QSOX1: variants seen among roughly 807,000 people sequenced by gnomAD.
QSOX1 encodes the protein sulfhydryl oxidase 1.
A neutral mutation model predicts 76.1 loss-of-function variants in QSOX1; 40 were observed. The ratio of observed to expected loss-of-function variants is 0.53; its 90% CI spans 0.41 to 0.68. The LOEUF is 0.68. Among genes scored for constraint, QSOX1 ranks in the 30% least tolerant of loss-of-function variants. The pLI is 0.00. For synonymous variants in QSOX1, 392 were observed against 413.1 expected (o/e 0.95, Z 0.62); for missense variants, 931 against 974.3 (o/e 0.96, Z 0.59).
intron 3 of QSOX1, 70 bp downstream of exon 3, chr1:180,175,436 A>T: frequency 6.5e-7 from 1 of 1,532,026 alleles, no homozygotes; most frequent in Non-Finnish European, 9.0e-7. Context: ...CTGGGTTTCT[A>T]TTGGGGTGGA....
rs1663480751 is a variant in QSOX1 at position 180,196,183 on chromosome 1, G to A, written c.1469-79G>A. On this transcript the variant is annotated intron_variant, in intron 11 of 11. Coordinates refer to ENST00000367602, the MANE Select transcript of QSOX1 (RefSeq NM_002826.5). This position sits in a 1 kb window ranked among gnomAD's most constrained non-coding sequence, Gnocchi z 4.1. ...CCTTTCTGCAGACAAGGAAGCTGGC[G>A]TTCTGAGTGGAGGAGTGTGGTCTGG... 8.6e-6 allele frequency: 13 copies of A among 1,502,904 alleles called. No individual in the cohort carries two copies. The East Asian group carries it at 9.1e-5, about 11-fold the overall frequency. 93.1% of individuals were successfully genotyped at this position (1,502,904 alleles called of 1,614,324 possible).
chr1:180,166,303 C>T lies in QSOX1; in HGVS notation c.266-188C>T, dbSNP rs148551274. 7.6e-4 allele frequency among the ~76,000 whole-genome samples: 116 copies of T among 152,340 alleles called. 1 individual carries two copies. Among genetic ancestry groups the T allele is most frequent in the Admixed American group, 4.3e-3 (66 of 15,304 alleles). On this transcript the variant is annotated intron_variant, in intron 1 of 11. Coordinates refer to ENST00000367602, the MANE Select transcript of QSOX1 (RefSeq NM_002826.5). ...AAAACACAGGTTCCCTTTTGTGAGA[C>T]GCTAGAAATGCAGACCAACTGGAAT...
chr1:180,182,937 C>T (rs1663075641), intron 6 of QSOX1, among the ~76,000 whole-genome samples: 1 of 152,152 alleles, frequency 6.6e-6, no homozygotes, highest in African/African-American at 2.4e-5. Flanking sequence ...GTGAGCTGCT[C>T]CTCGGGGCCC....
Position 180,196,494 on chromosome 1 carries a change from A to C in QSOX1, c.1701A>C (p.Gly567=), listed in dbSNP as rs372834993. 3.0e-5 allele frequency: 49 copies of C among 1,613,830 alleles called. No individual in the cohort carries two copies. The highest frequency in any genetic ancestry group is 4.0e-5 in the Non-Finnish European group (47 of 1,179,872). ...NVAAAPELAM[G]ALELESRNST... ...CAGCCGCCCCAGAGCTGGCGATGGG[A>C]GCCCTGGAGCTGGAAAGCCGGAATT... The change falls in exon 12 of 12, where the codon GGA becomes GGC. Residue 567 remains glycine (G), a synonymous_variant. Coordinates refer to ENST00000367602, the MANE Select transcript of QSOX1 (RefSeq NM_002826.5). This position sits in a 1 kb window ranked among gnomAD's most constrained non-coding sequence, Gnocchi z 4.1.
At chr1:180,165,014 C>T (rs934034282) in intron 1 of QSOX1, among the ~76,000 whole-genome samples, 1 of 152,122 alleles carries the variant, frequency 6.6e-6, no homozygotes, top group Non-Finnish European at 1.5e-5. Flanking sequence ...GGGGCAGTGC[C>T]GAGCTGTTCA....
chr1:180,196,685 A>G lies in QSOX1; in HGVS notation c.1892A>G (p.Asn631Ser). The change falls in exon 12 of 12, where the codon AAT becomes AGT. Residue 631 changes from asparagine (N) to serine (S), a missense_variant. Transcript: ENST00000367602. This position sits in a 1 kb window ranked among gnomAD's most constrained non-coding sequence, Gnocchi z 4.1. ...PPEHMAELQR[N>S]EQEQPLGQWH... ...GAGCACATGGCAGAGCTTCAGAGGA[A>G]TGAGCAGGAGCAGCCGCTTGGGCAG... The G allele has an allele frequency of 6.2e-7, 1 of 1,614,052 alleles. No individual in the cohort carries two copies. The highest frequency in any genetic ancestry group is 8.5e-7 in the Non-Finnish European group (1 of 1,180,028).
At chr1:180,181,043 G>A (rs16855388) in intron 5 of QSOX1, among the ~76,000 whole-genome samples, 2,367 of 152,242 alleles carry the variant, frequency 0.016, 77 homozygotes, top group African/African-American at 0.054. Context: ...GTACGGTGCC[G>A]CATCTCTTAG....
chr1:180,159,027 G>T (rs1662434420), intron 1 of QSOX1, among the ~76,000 whole-genome samples: 1 of 152,150 alleles, frequency 6.6e-6, no homozygotes, highest in Non-Finnish European at 1.5e-5. Flanking sequence ...TGTGAGTGGG[G>T]CAGGGGACGC....
intron 2 of QSOX1, among the ~76,000 whole-genome samples, chr1:180,172,340 G>T (rs1019260193): frequency 6.6e-6 from 1 of 152,074 alleles, no homozygotes; most frequent in African/African-American, 2.4e-5. Flanking sequence ...GGAGGTGGGT[G>T]CGAAGCTTCT....
chr1:180,185,838 A>G (rs1452304607), intron 7 of QSOX1, among the ~76,000 whole-genome samples: 1 of 152,240 alleles, frequency 6.6e-6, no homozygotes, highest in East Asian at 1.9e-4. Context: ...TGTGTTATTC[A>G]TATCTTACAG....
Position 180,198,220 on chromosome 1 carries a change from A to G in QSOX1, c.*1183A>G. On this transcript the variant is annotated 3_prime_UTR_variant, in exon 12 of 12. Transcript: ENST00000367602. ...CCATGGCCTTTTCATGCACGGAGAC[A>G]GGCCTCTGGATGTGCAGCCTTGCCA... 2.2e-6 allele frequency: 1 copy of G among 456,706 alleles called. No homozygotes were observed. The highest frequency in any genetic ancestry group is 1.5e-5 in the South Asian group (1 of 64,574). 28.3% of individuals were successfully genotyped at this position (456,706 alleles called of 1,614,324 possible).
At chr1:180,182,041 A>G (rs2149238346) in intron 5 of QSOX1, 133 bp from the exon 6 acceptor site, 1 of 839,018 alleles carries the variant, frequency 1.2e-6, no homozygotes, top group East Asian at 2.7e-5. Flanking sequence ...AGTGTGGTCC[A>G]CTCTTTGTGG....
intron 7 of QSOX1, 113 bp from the exon 8 acceptor site, chr1:180,185,940 G>A (rs534744404): frequency 3.1e-5 from 40 of 1,310,912 alleles, no homozygotes; most frequent in Non-Finnish European, 4.2e-5. Context: ...ACAAGACTCT[G>A]TGACCATCAG....
intron 10 of QSOX1, among the ~76,000 whole-genome samples, chr1:180,191,102 C>T (rs990315742): frequency 6.6e-6 from 1 of 152,198 alleles, no homozygotes; most frequent in African/African-American, 2.4e-5. Flanking sequence ...TGTTCTCCGG[C>T]CACGCTGCCC....
At chr1:180,168,696 T>C (rs1662691997) in intron 2 of QSOX1, among the ~76,000 whole-genome samples, 1 of 152,228 alleles carries the variant, frequency 6.6e-6, no homozygotes, top group Non-Finnish European at 1.5e-5. Context: ...CCGGCTGTGA[T>C]TAAATACATT....
At chr1:180,190,411 C>T (rs775844579) in intron 9 of QSOX1, 22 bp from the exon 10 acceptor site, 1 of 1,607,482 alleles carries the variant, frequency 6.2e-7, no homozygotes. Context: ...CATATGTGCA[C>T]TCACACTCAT....
intron 5 of QSOX1, among the ~76,000 whole-genome samples, chr1:180,180,559 G>A (rs1572047996): frequency 6.6e-6 from 1 of 152,320 alleles, no homozygotes; most frequent in East Asian, 1.9e-4. Flanking sequence ...CTGTCGCCCA[G>A]GCGGGAGTGC....
chr1:180,189,730 A>AC, intron 9 of QSOX1, 56 bp downstream of exon 9: 1 of 1,579,858 alleles, frequency 6.3e-7, no homozygotes, highest in Non-Finnish European at 8.6e-7. Context: ...TGAGAGTGCA[A>AC]GGGGTTAACC....
rs563309749 is a variant in QSOX1 at position 180,159,468 on chromosome 1, A to G, written c.265+4296A>G. Among the ~76,000 whole-genome samples the G allele has an allele frequency of 5.3e-5, 8 of 152,306 alleles. No homozygotes were observed. The East Asian group carries it at 9.6e-4, about 18-fold the overall frequency. On this transcript the variant is annotated intron_variant, in intron 1 of 11. Coordinates refer to ENST00000367602, the MANE Select transcript of QSOX1 (RefSeq NM_002826.5). ...AAAAGACAAAATTACACCACATTCAAAAATCTTAACTGGCTTCTATTTGTG... is the reference window on the plus strand; with the variant it reads ...AAAAGACAAAATTACACCACATTCAGAAATCTTAACTGGCTTCTATTTGTG...
Sources: gnomAD v4.1 joint callset for allele counts (sites outside exome capture counted in the v4.1 genomes callset) on GRCh38, gnomAD v4.1.1 for gene constraint, Gnocchi (gnomAD v3.1) non-coding constraint, MANE v1.5 for transcripts, NCBI Gene and HGNC (gene_info 2026-07-23, HGNC 2026-07-21) for gene names.